Variants in CACNA1A observed in about 807,000 individuals in gnomAD.
CACNA1A encodes the protein calcium voltage-gated channel subunit alpha1 A.
CACNA1A carries 57 observed loss-of-function variants against 262.4 expected under a neutral mutation model. The observed-to-expected ratio is 0.22, with a 90% confidence interval of 0.18 to 0.27. The LOEUF is 0.27. Among genes scored for constraint, CACNA1A ranks in the 10% least tolerant of loss-of-function variants. The pLI, the probability that CACNA1A is intolerant of heterozygous loss-of-function variation, is 1.00. For synonymous variants in CACNA1A, 1,431 were observed against 1,419.3 expected, an observed-to-expected ratio of 1.01 and a Z score of -0.18; for missense variants, 2,526 against 3,562.8, an observed-to-expected ratio of 0.71 and a Z score of 7.41.
intron 1 of CACNA1A, among the ~76,000 whole-genome samples, chr19:13,490,073 G>A (rs756239400): frequency 2.0e-5 from 3 of 151,988 alleles, no homozygotes; most frequent in African/African-American, 2.4e-5. Context: ...GTCCATCTAC[G>A]TCCCAGTGCC....
intron 3 of CACNA1A, among the ~76,000 whole-genome samples, chr19:13,425,331 A>G (rs1200231328): frequency 6.6e-6 from 1 of 152,148 alleles, no homozygotes; most frequent in African/African-American, 2.4e-5. Context: ...GCATCTGTCT[A>G]ACCCATGGAA....
Position 13,207,264 on chromosome 19 carries a change from G to A in CACNA1A, c.*49C>T. On this transcript the variant is annotated 3_prime_UTR_variant, in exon 47 of 47. Transcript: ENST00000360228. This position sits in a 1 kb window ranked among gnomAD's most constrained non-coding sequence, Gnocchi z 5.7. ...CTCTGCGCGGCTCCTCGGGTGGGGTGTGTGCGTGGGGTGCGTGGGGGGCCG... is the reference window on the plus strand; with the variant it reads ...CTCTGCGCGGCTCCTCGGGTGGGGTATGTGCGTGGGGTGCGTGGGGGGCCG... 6.7e-7 allele frequency: 1 copy of A among 1,488,508 alleles called. No homozygotes were observed. Among genetic ancestry groups the A allele is most frequent in the Non-Finnish European group, 8.9e-7 (1 of 1,123,920 alleles). The allele number at this position is 1,488,508 out of a possible 1,614,324, so 92.2% of individuals were successfully genotyped here.
In CACNA1A at chr19:13,207,858, C is replaced by CCTCCTG. The variant is rs2054623467; in HGVS notation, c.6975_6976insCAGGAG (p.Gln2325_Ala2326insGlnGlu). The CCTCCTG allele has an allele frequency of 2.8e-6, 4 of 1,431,228 alleles. No homozygotes were observed. The highest frequency in any genetic ancestry group is 3.7e-6 in the Non-Finnish European group (4 of 1,094,108). 88.7% of individuals were successfully genotyped at this position (1,431,228 alleles called of 1,614,324 possible). On this transcript the variant is annotated inframe_insertion, in exon 47 of 47. Transcript: ENST00000360228. The surrounding 1 kb of genome is among the most constrained non-coding windows in gnomAD (Gnocchi z 5.7). ...GCCGCCCGGCCCGGCCTGGCCACCG[C>CCTCCTG]CTGCTGCTGCTGCTGCTGCTGCTGC...
At chr19:13,376,342 G>T (rs909481242) in intron 3 of CACNA1A, among the ~76,000 whole-genome samples, 3 of 152,090 alleles carry the variant, frequency 2.0e-5, no homozygotes, top group Non-Finnish European at 4.4e-5. Flanking sequence ...CTCTTGTTAG[G>T]AGCTAGTGCT....
At chr19:13,321,393 GT>G (rs1555764160) in intron 10 of CACNA1A, among the ~76,000 whole-genome samples, 1 of 152,082 alleles carries the variant, frequency 6.6e-6, no homozygotes, top group Non-Finnish European at 1.5e-5. Flanking sequence ...GATTCATCTG[GT>G]GATTTCTGGC....
chr19:13,280,382 G>A (rs1444233231), intron 22 of CACNA1A, among the ~76,000 whole-genome samples: 2 of 150,992 alleles, frequency 1.3e-5, no homozygotes, highest in Non-Finnish European at 3.0e-5. Context: ...GGTAGAGGTG[G>A]GGGTCTCACT....
chr19:13,263,093 G>C, intron 24 of CACNA1A: 1 of 480,592 alleles, frequency 2.1e-6, no homozygotes, highest in East Asian at 4.0e-5. Flanking sequence ...GGCTGGGCCT[G>C]AGCAGCTGTA....
At chr19:13,319,639 G>A (rs920587152) in intron 10 of CACNA1A, among the ~76,000 whole-genome samples, 29 of 152,174 alleles carry the variant, frequency 1.9e-4, no homozygotes, top group African/African-American at 7.0e-4. Flanking sequence ...GACTCATACT[G>A]GGTTTGTGAA....
chr19:13,456,296 T>C (rs1209790798), intron 1 of CACNA1A, among the ~76,000 whole-genome samples: 2 of 152,202 alleles, frequency 1.3e-5, no homozygotes, highest in East Asian at 3.8e-4. Flanking sequence ...CAAAGGACGT[T>C]ATCAAGAAAG....
intron 18 of CACNA1A, 72 bp from the exon 19 acceptor site, chr19:13,299,425 C>A: frequency 8.0e-7 from 1 of 1,249,138 alleles, no homozygotes; most frequent in South Asian, 1.3e-5. Flanking sequence ...CCAGGCGAAC[C>A]AACCCACATC....
Position 13,286,985 on chromosome 19 carries a change from T to A in CACNA1A, c.3090-19A>T. The A allele has an allele frequency of 6.5e-7, 1 of 1,543,316 alleles. No individual in the cohort carries two copies. The highest frequency in any genetic ancestry group is 2.0e-5 in the Admixed American group (1 of 50,810). The stretch of plus-strand genomic sequence containing the variant: ...GTTCTCTCTGAGGAAGGCAAGTGAA[T>A]GAAAAAGAACCAACAACTGATTTAG... On this transcript the variant is annotated intron_variant, in intron 19 of 46. Coordinates refer to ENST00000360228, the MANE Select transcript of CACNA1A (RefSeq NM_001127222.2).
intron 3 of CACNA1A, among the ~76,000 whole-genome samples, chr19:13,434,857 A>G (rs943519637): frequency 5.5e-5 from 8 of 144,340 alleles, no homozygotes; most frequent in African/African-American, 2.1e-4. Context: ...TGGCATAATC[A>G]TTGCTCACTG....
intron 30 of CACNA1A, among the ~76,000 whole-genome samples, chr19:13,246,498 C>T (rs1445607907): frequency 6.6e-6 from 1 of 152,180 alleles, no homozygotes; most frequent in African/African-American, 2.4e-5. Flanking sequence ...ATGTAAAAAA[C>T]CCTTCCCATC....
chr19:13,325,212 A>T (rs1278742948), intron 10 of CACNA1A, among the ~76,000 whole-genome samples: 56 of 105,598 alleles, frequency 5.3e-4, no homozygotes, highest in South Asian at 1.6e-3. Flanking sequence ...TTTTTTTTTA[A>T]TACAGGCCAG....
intron 3 of CACNA1A, among the ~76,000 whole-genome samples, chr19:13,408,822 T>G (rs2060058161): frequency 6.6e-6 from 1 of 152,184 alleles, no homozygotes; most frequent in African/African-American, 2.4e-5. Flanking sequence ...GAAGGAACAG[T>G]AAGGTGTCCT....
chr19:13,238,773 G>C lies in CACNA1A; in HGVS notation c.4951-3043C>G, dbSNP rs1041705616. On this transcript the variant is annotated intron_variant, in intron 31 of 46. Coordinates refer to ENST00000360228, the MANE Select transcript of CACNA1A (RefSeq NM_001127222.2). Reference sequence around the variant, plus strand: ...GCTAATTTTTGTATTTTTTAGGAGAGATGGGGTTTCACCATGTTGGTCAGG... The same window carrying C: ...GCTAATTTTTGTATTTTTTAGGAGACATGGGGTTTCACCATGTTGGTCAGG... Among the ~76,000 whole-genome samples, 13 of 152,052 alleles carry C rather than the reference G, an allele frequency of 8.5e-5. No homozygotes were observed. In the East Asian group the frequency reaches 1.9e-3, roughly 23 times the overall value.
At chr19:13,402,741 T>TACACATATATATAC (rs1209161887) in intron 3 of CACNA1A, among the ~76,000 whole-genome samples, 5 of 144,968 alleles carry the variant, frequency 3.4e-5, no homozygotes, top group Admixed American at 2.9e-4. Context: ...TACATATATA[T>TACACATATATATAC]ACACATATAT....
At position 13,337,323 on chromosome 19, in the gene CACNA1A, C is replaced by G. The variant is rs141792271; in HGVS notation, c.979-1414G>C. Among the ~76,000 whole-genome samples, 519 of 152,314 alleles carry G rather than the reference C, an allele frequency of 3.4e-3. 1 individual carries two copies. The highest frequency in any genetic ancestry group is 0.012 in the African/African-American group (495 of 41,582). On this transcript the variant is annotated intron_variant, in intron 6 of 46. Transcript: ENST00000360228. ...CTGTTTTATGCCTCTCTCCTAGCTT[C>G]TGGCGGTTTGCTGGCAATCTTTGCT...
At chr19:13,320,275 A>AGAGAGAGAGAGAGAGAGAG (rs60301241) in intron 10 of CACNA1A, among the ~76,000 whole-genome samples, 3 of 150,258 alleles carry the variant, frequency 2.0e-5, no homozygotes, top group East Asian at 2.0e-4. Flanking sequence ...AGAGAGAGAG[A>AGAGAGAGAGAGAGAGAGAG]AACCACAGCA....
Sources: gnomAD v4.1 joint callset for allele counts (sites outside exome capture counted in the v4.1 genomes callset) on GRCh38, gnomAD v4.1.1 for gene constraint, Gnocchi (gnomAD v3.1) non-coding constraint, MANE v1.5 for transcripts, NCBI Gene and HGNC (gene_info 2026-07-23, HGNC 2026-07-21) for gene names.